SUCLG2: variants seen among roughly 807,000 people sequenced by gnomAD.
The protein encoded by SUCLG2 is succinate-CoA ligase GDP-forming subunit beta.
A neutral mutation model predicts 47.9 loss-of-function variants in SUCLG2; 42 were observed. That is an observed-to-expected ratio of 0.88 (90% confidence interval 0.69 to 1.14). The LOEUF is 1.14. Ranked by LOEUF, SUCLG2 falls within the 50% of genes most tolerant of loss-of-function variation. SUCLG2 has a pLI of 0.00. For missense variants in SUCLG2, 571 were observed against 525.9 expected (o/e 1.09, Z -0.84); for synonymous variants, 195 against 197.3 (o/e 0.99, Z 0.10).
chr3:67,361,690 T>C (rs1384751795), intron 10 of SUCLG2, among the ~76,000 whole-genome samples: 1 of 152,222 alleles, frequency 6.6e-6, no homozygotes, highest in Non-Finnish European at 1.5e-5. Context: ...TCTTCATCCT[T>C]TCCTGTATCC....
chr3:67,374,768 T>C lies in SUCLG2; in HGVS notation c.*976A>G, dbSNP rs1702000562. 1 of 955,278 alleles carries C rather than the reference T, an allele frequency of 1.0e-6. No individual in the cohort carries two copies. Among genetic ancestry groups the C allele is most frequent in the Non-Finnish European group, 1.2e-6 (1 of 802,852 alleles). The allele number at this position is 955,278 out of a possible 1,614,324, so 59.2% of individuals were successfully genotyped here. ...ATTTAAATTTGTATAGATAAAAATC[T>C]ACCAAAATTTAAACAAAAATTTTAT... is the stretch of plus-strand genomic sequence containing the variant. On this transcript the variant is annotated 3_prime_UTR_variant, in exon 11 of 11. Coordinates refer to ENST00000307227, the MANE Select transcript of SUCLG2 (RefSeq NM_003848.4).
At chr3:67,429,781 AAAAG>A (rs1238604699) in intron 9 of SUCLG2, among the ~76,000 whole-genome samples, 8 of 152,196 alleles carry the variant, frequency 5.3e-5, no homozygotes, top group African/African-American at 1.9e-4. Context: ...GAAAACAAAA[AAAAG>A]AAGGGGTTGC....
At chr3:67,370,463 T>C (rs957664310), downstream of SUCLG2, among the ~76,000 whole-genome samples, 23 of 152,300 alleles carry the variant, frequency 1.5e-4, 1 homozygote, top group Middle Eastern at 6.8e-3. Flanking sequence ...CACCTGTTTG[T>C]ATCCATGAGA....
At chr3:67,596,236 T>C (rs60283689) in intron 2 of SUCLG2, among the ~76,000 whole-genome samples, 9,196 of 152,236 alleles carry the variant, frequency 0.06, 401 homozygotes, top group African/African-American at 0.12. Flanking sequence ...AAAACACCTC[T>C]CTCTTCCCCT....
At chr3:67,640,150 C>A (rs938337785) in intron 1 of SUCLG2, among the ~76,000 whole-genome samples, 1 of 152,138 alleles carries the variant, frequency 6.6e-6, no homozygotes, top group Admixed American at 6.6e-5. Context: ...CCTAAGGTTC[C>A]AAAGACAGTA....
At chr3:67,369,284 G>A (rs988130788) in intron 10 of SUCLG2, among the ~76,000 whole-genome samples, 1 of 152,088 alleles carries the variant, frequency 6.6e-6, no homozygotes, top group Non-Finnish European at 1.5e-5. Context: ...TTTCCAAAAG[G>A]GATTATTTGT....
At chr3:67,628,534 G>A (rs1700873928) in intron 1 of SUCLG2, among the ~76,000 whole-genome samples, 3 of 152,272 alleles carry the variant, frequency 2.0e-5, no homozygotes, top group Non-Finnish European at 1.5e-5. Flanking sequence ...GAACTGATAT[G>A]GTTTGGCTCT....
intron 2 of SUCLG2, among the ~76,000 whole-genome samples, chr3:67,578,045 C>A (rs2107251217): frequency 6.6e-6 from 1 of 151,972 alleles, no homozygotes; most frequent in African/African-American, 2.4e-5. Flanking sequence ...TTTGTATCTT[C>A]CTTTCTTTCT....
chr3:67,438,456 GT>G (rs901690849), intron 9 of SUCLG2, among the ~76,000 whole-genome samples: 4 of 150,918 alleles, frequency 2.7e-5, no homozygotes, highest in African/African-American at 4.9e-5. Context: ...TCCAAGAGCT[GT>G]TTTTTTTTAA....
At position 67,518,348 on chromosome 3, in the gene SUCLG2, A is replaced by G; in HGVS notation, c.571-12T>C. 1 of 1,601,882 alleles carries G rather than the reference A, an allele frequency of 6.2e-7. No homozygotes were observed. The highest frequency in any genetic ancestry group is 1.3e-5 in the African/African-American group (1 of 74,720). ...ATGTCAATTTGCTCCTAGTAAAAATAAATCAAATAAACAAAATTCAGACAG... is the reference window on the plus strand; with the variant it reads ...ATGTCAATTTGCTCCTAGTAAAAATGAATCAAATAAACAAAATTCAGACAG... On this transcript the variant is annotated splice_polypyrimidine_tract_variant and intron_variant, in intron 5 of 10. Coordinates refer to ENST00000307227, the MANE Select transcript of SUCLG2 (RefSeq NM_003848.4).
At chr3:67,421,366 C>T (rs1201576737) in intron 9 of SUCLG2, among the ~76,000 whole-genome samples, 1 of 152,102 alleles carries the variant, frequency 6.6e-6, no homozygotes, top group African/African-American at 2.4e-5. Flanking sequence ...CAAAACAATC[C>T]TCTCTCAGCA....
intron 2 of SUCLG2, among the ~76,000 whole-genome samples, chr3:67,591,550 C>T (rs1194955941): frequency 6.6e-6 from 1 of 152,158 alleles, no homozygotes; most frequent in African/African-American, 2.4e-5. Context: ...CTCACAAGAT[C>T]TGATGGGTTT....
At chr3:67,508,448 T>A (rs897664856) in intron 7 of SUCLG2, among the ~76,000 whole-genome samples, 3 of 152,034 alleles carry the variant, frequency 2.0e-5, no homozygotes, top group East Asian at 3.9e-4. Context: ...TATTATTATT[T>A]TTGTAGAGAC....
chr3:67,466,538 C>T (rs1704476239), intron 9 of SUCLG2, among the ~76,000 whole-genome samples: 1 of 152,140 alleles, frequency 6.6e-6, no homozygotes, highest in African/African-American at 2.4e-5. Context: ...TTAGTGTATC[C>T]CCTGTCTTGT....
At chr3:67,540,355 G>A (rs1706668626) in intron 2 of SUCLG2, among the ~76,000 whole-genome samples, 1 of 152,008 alleles carries the variant, frequency 6.6e-6, no homozygotes, top group African/African-American at 2.4e-5. Context: ...GGGGTGCTTG[G>A]TGGGAGGAGG....
At chr3:67,632,178 A>G (rs903008602) in intron 1 of SUCLG2, among the ~76,000 whole-genome samples, 7 of 152,064 alleles carry the variant, frequency 4.6e-5, no homozygotes, top group Non-Finnish European at 1.0e-4. Flanking sequence ...TTCTACAGGG[A>G]AAATCCAGAG....
intron 10 of SUCLG2, among the ~76,000 whole-genome samples, chr3:67,367,004 C>T (rs1701884925): frequency 6.6e-6 from 1 of 152,092 alleles, no homozygotes; most frequent in South Asian, 2.1e-4. Context: ...GTTAAAGAGA[C>T]TTACAGCAAC....
At chr3:67,520,753 G>A (rs1416004148) in intron 4 of SUCLG2, 119 bp from the exon 5 acceptor site, 2 of 1,183,282 alleles carry the variant, frequency 1.7e-6, no homozygotes, top group Non-Finnish European at 1.2e-6. Flanking sequence ...ACAGCCCAGG[G>A]AGTGAGTTTG....
chr3:67,420,760 G>A (rs1170242163), intron 9 of SUCLG2, among the ~76,000 whole-genome samples: 1 of 152,012 alleles, frequency 6.6e-6, no homozygotes, highest in Non-Finnish European at 1.5e-5. Context: ...CACACACAAA[G>A]ACATACACCA....
Sources: gnomAD v4.1 joint callset for allele counts (sites outside exome capture counted in the v4.1 genomes callset) on GRCh38, gnomAD v4.1.1 for gene constraint, MANE v1.5 for transcripts, NCBI Gene and HGNC (gene_info 2026-07-23, HGNC 2026-07-21) for gene names.